The following NIPAL2 variants were observed in gnomAD, a reference collection of about 807,000 sequenced individuals.
The protein encoded by NIPAL2 is NIPA-like protein 2.
NIPAL2 carries 43 observed loss-of-function variants against 48.9 expected under a neutral mutation model. The ratio of observed to expected loss-of-function variants is 0.88; its 90% confidence interval spans 0.69 to 1.13. The LOEUF (loss-of-function observed/expected upper bound fraction) is 1.13, where lower values mean the gene tolerates loss of function less well. Ranked by LOEUF, NIPAL2 falls within the 50% of genes most tolerant of loss-of-function variation. The pLI is 0.00. For missense variants in NIPAL2, 446 were observed against 461.4 expected (o/e 0.97, Z 0.31); for synonymous variants, 167 against 174.6 (o/e 0.96, Z 0.34).
chr8:98,230,387 G>A (rs932403045), intron 4 of NIPAL2, among the ~76,000 whole-genome samples: 1 of 152,150 alleles, frequency 6.6e-6, no homozygotes, highest in Non-Finnish European at 1.5e-5. Flanking sequence ...AGTTTCATAA[G>A]GTAGATGCTC....
rs7010905 is a variant in NIPAL2, at chr8:98,196,016, G to C, written c.881-11C>G. On this transcript the variant is annotated splice_polypyrimidine_tract_variant and intron_variant, in intron 8 of 10. Coordinates refer to ENST00000430223, the MANE Select transcript of NIPAL2 (RefSeq NM_001321635.2). ...GATAAAATATGATACCTGTAACACA[G>C]GAAAAGAAGACAAAATTGATTTTGA... is the stretch of plus-strand genomic sequence containing the variant. 2.6e-6 allele frequency: 4 copies of C among 1,519,462 alleles called. No individual in the cohort carries two copies. Among genetic ancestry groups the C allele is most frequent in the Non-Finnish European group, 3.6e-6 (4 of 1,113,730 alleles). The allele number at this position is 1,519,462 out of a possible 1,614,324, so 94.1% of individuals were successfully genotyped here.
chr8:98,242,488 A>ATTTTTTGT (rs774556900), intron 3 of NIPAL2, among the ~76,000 whole-genome samples: 1 of 117,768 alleles, frequency 8.5e-6, no homozygotes, highest in Non-Finnish European at 1.7e-5. Context: ...CACCTGACAG[A>ATTTTTTGT]TTTTTTTTTT....
In NIPAL2 at chr8:98,236,248, A is replaced by G. The variant is rs560641025; in HGVS notation, c.377-34T>C. ...AAAATGGCCATTAGTGGTAGTTCCA[A>G]TATAAAAGTGTCTATTACGCAATGC... On this transcript the variant is annotated intron_variant, in intron 3 of 10. Coordinates refer to ENST00000430223, the MANE Select transcript of NIPAL2 (RefSeq NM_001321635.2). 6 of 1,454,202 alleles carry G rather than the reference A, an allele frequency of 4.1e-6. No homozygotes were observed. The South Asian group carries it at 6.0e-5, about 15-fold the overall frequency. 90.1% of individuals were successfully genotyped at this position (1,454,202 alleles called of 1,614,324 possible).
intron 1 of NIPAL2, among the ~76,000 whole-genome samples, chr8:98,266,211 A>T (rs1320106452): frequency 6.6e-6 from 1 of 151,166 alleles, no homozygotes; most frequent in Non-Finnish European, 1.5e-5. Context: ...GCAGTGCACC[A>T]GCATGGCACA....
At position 98,252,710 on chromosome 8, in the gene NIPAL2, C is replaced by G. The variant is rs796397047; in HGVS notation, c.205-76G>C. 6 of 1,229,070 alleles carry G rather than the reference C, an allele frequency of 4.9e-6. 1 individual carries two copies. The African/African-American group carries it at 9.5e-5, about 19-fold the overall frequency. 76.1% of individuals were successfully genotyped at this position (1,229,070 alleles called of 1,614,324 possible). ...AATGCCACTTTTTTTCTTTTGTATT[C>G]CTTTAATTCTTTTTATAAGAACGCT... On this transcript the variant is annotated intron_variant, in intron 2 of 10. Transcript: ENST00000430223.
At chr8:98,275,014 G>T (rs558136424) in intron 1 of NIPAL2, among the ~76,000 whole-genome samples, 1 of 151,954 alleles carries the variant, frequency 6.6e-6, no homozygotes, top group East Asian at 1.9e-4. Flanking sequence ...TTCATAGTAG[G>T]TTGCAAATAA....
chr8:98,286,779 C>A (rs1816191518), intron 1 of NIPAL2, among the ~76,000 whole-genome samples: 1 of 145,024 alleles, frequency 6.9e-6, no homozygotes, highest in Non-Finnish European at 1.5e-5. Context: ...ACTGCAACTG[C>A]ACTCCAGCCT....
intron 1 of NIPAL2, among the ~76,000 whole-genome samples, chr8:98,282,351 A>C (rs2130904656): frequency 6.6e-6 from 1 of 152,316 alleles, no homozygotes; most frequent in East Asian, 1.9e-4. Flanking sequence ...AAACTAGAGA[A>C]GGATAAGTCC....
chr8:98,250,078 A>G (rs1749216298), intron 3 of NIPAL2, among the ~76,000 whole-genome samples: 1 of 152,088 alleles, frequency 6.6e-6, no homozygotes, highest in African/African-American at 2.4e-5. Context: ...GACTAAAACT[A>G]TTGTAAGTGT....
intron 4 of NIPAL2, chr8:98,231,898 G>C (rs1800054612): frequency 1.3e-5 from 2 of 152,070 alleles, no homozygotes; most frequent in Admixed American, 1.3e-4. Flanking sequence ...TACACATTTT[G>C]ATAATTTAAT....
chr8:98,224,341 T>G (rs145578923), intron 4 of NIPAL2, among the ~76,000 whole-genome samples: 212 of 152,338 alleles, frequency 1.4e-3, no homozygotes, highest in African/African-American at 4.8e-3. Flanking sequence ...ATGAGGTTTT[T>G]TTTTACATAA....
chr8:98,196,810 G>A (rs973396129), intron 8 of NIPAL2, among the ~76,000 whole-genome samples: 1 of 152,188 alleles, frequency 6.6e-6, no homozygotes, highest in African/African-American at 2.4e-5. Flanking sequence ...ACTGCTCTAG[G>A]TCTTGGAGAA....
rs2130674168 is a variant in NIPAL2, at chr8:98,192,905, CACA to C, written c.*70_*72del. The C allele has an allele frequency of 1.1e-6, 1 of 904,244 alleles. No homozygotes were observed. Among genetic ancestry groups the C allele is most frequent in the East Asian group, 2.4e-5 (1 of 41,038 alleles). 56.0% of individuals were successfully genotyped at this position (904,244 alleles called of 1,614,324 possible). ...TGTTAGCTTATAAAAGAGCTGCTGA[CACA>C]AATTGAACATGTGCAATTTTTTAAA... On this transcript the variant is annotated 3_prime_UTR_variant, in exon 11 of 11. Transcript: ENST00000430223.
In NIPAL2 at chr8:98,294,056, C is replaced by A; in HGVS notation, c.82G>T (p.Ala28Ser). 2.0e-6 allele frequency: 3 copies of A among 1,501,044 alleles called. No homozygotes were observed. The highest frequency in any genetic ancestry group is 2.7e-6 in the Non-Finnish European group (3 of 1,125,742). The allele number at this position is 1,501,044 out of a possible 1,614,324, so 93.0% of individuals were successfully genotyped here. A position where few individuals can be genotyped will look rare whatever the true frequency, so the allele number is the denominator to read the frequency against. ...DELSLNFTYG[A>S]PGAGNGSLSG... ...AGGGAGCCGTTGCCGGCGCCTGGTG[C>A]CCCGTACGTGAAATTCAGTGACAGC... The change falls in exon 1 of 11, where the codon GCA (alanine) becomes TCA (serine). Residue 28 changes from alanine to serine, a missense_variant. Physicochemically the swap from Ala to Ser is moderately conservative, Grantham distance 99 (BLOSUM62 1). Transcript: ENST00000430223.
At chr8:98,286,523 T>C (rs1309955521) in intron 1 of NIPAL2, among the ~76,000 whole-genome samples, 2 of 152,142 alleles carry the variant, frequency 1.3e-5, no homozygotes, top group African/African-American at 4.8e-5. Flanking sequence ...AGATACCTTG[T>C]TGAGGCTAGG....
chr8:98,246,833 C>G (rs559511598), intron 3 of NIPAL2, among the ~76,000 whole-genome samples: 112 of 152,272 alleles, frequency 7.4e-4, no homozygotes, highest in Non-Finnish European at 9.1e-4. Context: ...CTTGCCCCTG[C>G]AATGATCTCC....
At chr8:98,257,279 C>CA (rs1233643868) in intron 1 of NIPAL2, among the ~76,000 whole-genome samples, 1 of 150,722 alleles carries the variant, frequency 6.6e-6, no homozygotes, top group Admixed American at 6.7e-5. Context: ...AGTATAGCAT[C>CA]ACATGACAGA....
intron 4 of NIPAL2, among the ~76,000 whole-genome samples, chr8:98,235,360 A>C (rs1165203044): frequency 6.6e-6 from 1 of 152,244 alleles, no homozygotes; most frequent in Non-Finnish European, 1.5e-5. Flanking sequence ...GCTTTGCCAT[A>C]CATCAGAAAT....
At chr8:98,260,123 T>C (rs1436038759) in intron 1 of NIPAL2, among the ~76,000 whole-genome samples, 1 of 152,234 alleles carries the variant, frequency 6.6e-6, no homozygotes, top group East Asian at 1.9e-4. Context: ...TACCATGGCA[T>C]AGAGGCAGCA....
Sources: allele counts gnomAD v4.1 joint callset (sites outside exome capture counted in the v4.1 genomes callset), GRCh38; gene constraint gnomAD v4.1.1; transcripts MANE v1.5; gene names NCBI Gene and HGNC (gene_info 2026-07-23, HGNC 2026-07-21).